KCNMA1: variants seen among roughly 807,000 people sequenced by gnomAD.
The protein encoded by KCNMA1 is potassium calcium-activated channel subfamily M alpha 1, also known as Calcium-activated potassium channel subunit alpha-1.
In KCNMA1, 29 loss-of-function variants were observed where a neutral mutation model predicts 140.0. The observed-to-expected ratio is 0.21, with a 90% confidence interval of 0.15 to 0.28. KCNMA1 has a LOEUF of 0.28. Among genes scored for constraint, KCNMA1 ranks in the 10% least tolerant of loss-of-function variants. The probability of loss-of-function intolerance (pLI) is 1.00; values close to 1 mark genes in which losing one functional copy is unlikely to be tolerated. For synonymous variants in KCNMA1, 612 were observed against 611.9 expected, an observed-to-expected ratio of 1.00 and a Z score of 0.00; for missense variants, 880 against 1,602.2, an observed-to-expected ratio of 0.55 and a Z score of 7.70.
intron 1 of KCNMA1, among the ~76,000 whole-genome samples, chr10:77,569,671 C>T (rs1285619869): frequency 6.6e-6 from 1 of 152,166 alleles, no homozygotes; most frequent in Non-Finnish European, 1.5e-5. Context: ...AGGACATAGG[C>T]ATGGGCAAGG....
intron 1 of KCNMA1, among the ~76,000 whole-genome samples, chr10:77,628,893 AGAG>A: frequency 6.6e-6 from 1 of 152,282 alleles, no homozygotes; most frequent in South Asian, 2.1e-4. Flanking sequence ...GGATGGAGCA[AGAG>A]GAGGAGGGGG....
intron 2 of KCNMA1, among the ~76,000 whole-genome samples, chr10:77,346,066 G>C (rs563789130): frequency 1.4e-4 from 22 of 152,238 alleles, no homozygotes; most frequent in Middle Eastern, 3.4e-3. Flanking sequence ...GGAATATCAT[G>C]GTAAACGTTG....
intron 2 of KCNMA1, among the ~76,000 whole-genome samples, chr10:77,332,285 G>C (rs994287094): frequency 6.6e-5 from 10 of 152,130 alleles, no homozygotes; most frequent in African/African-American, 2.4e-4. Flanking sequence ...GGAAACATTT[G>C]AGCAAAAAAT....
intron 5 of KCNMA1, among the ~76,000 whole-genome samples, chr10:77,138,278 T>C (rs2154013936): frequency 6.6e-6 from 1 of 152,276 alleles, no homozygotes; most frequent in African/African-American, 2.4e-5. Flanking sequence ...ATTATTGAAT[T>C]TTTTAAGAGA....
chr10:76,984,436 C>T (rs539400350), intron 19 of KCNMA1, among the ~76,000 whole-genome samples: 2 of 152,188 alleles, frequency 1.3e-5, no homozygotes, highest in East Asian at 1.9e-4. Flanking sequence ...GTGATCTGCC[C>T]GCCTCAGCCT....
chr10:76,891,488 A>G (rs2040056796), intron 26 of KCNMA1, 37 bp downstream of exon 26: 8 of 1,569,820 alleles, frequency 5.1e-6, no homozygotes, highest in Non-Finnish European at 6.1e-6. Context: ...CTTTTCCCAA[A>G]CAGCAAGCTC....
intron 14 of KCNMA1, among the ~76,000 whole-genome samples, chr10:77,042,043 T>G (rs1432028429): frequency 6.6e-6 from 1 of 152,150 alleles, no homozygotes; most frequent in Admixed American, 6.5e-5. Flanking sequence ...GTCTGGGCAA[T>G]TAGATTATGT....
At chr10:76,869,871 T>C (rs978465281) in exon 28 of KCNMA1, 2 of 152,546 alleles carry the variant, frequency 1.3e-5, no homozygotes, top group African/African-American at 2.4e-5. Flanking sequence ...TCAATGAACA[T>C]GTAGGCTGAA....
intron 3 of KCNMA1, among the ~76,000 whole-genome samples, chr10:77,219,409 G>A (rs2048843399): frequency 6.6e-6 from 1 of 152,172 alleles, no homozygotes; most frequent in African/African-American, 2.4e-5. Context: ...TGGGGAAGAA[G>A]AGAGACGTGT....
intron 3 of KCNMA1, among the ~76,000 whole-genome samples, chr10:77,218,202 T>C (rs756405674): frequency 2.0e-4 from 31 of 151,978 alleles, no homozygotes; most frequent in Non-Finnish European, 4.0e-4. Context: ...TCCAAATGAC[T>C]CCCATGGCCT....
intron 1 of KCNMA1, among the ~76,000 whole-genome samples, chr10:77,583,052 G>GAAA (rs2076307959): frequency 6.6e-6 from 1 of 152,200 alleles, no homozygotes; most frequent in African/African-American, 2.4e-5. Context: ...CCTTCTTTGT[G>GAAA]CTACAAAGAT....
intron 3 of KCNMA1, among the ~76,000 whole-genome samples, chr10:77,230,008 T>C (rs2053040147): frequency 6.6e-6 from 1 of 152,196 alleles, no homozygotes; most frequent in African/African-American, 2.4e-5. Context: ...ATTGGAGCAT[T>C]ATTCACAATA....
At chr10:77,201,502 T>C (rs779946876) in intron 3 of KCNMA1, among the ~76,000 whole-genome samples, 5 of 152,064 alleles carry the variant, frequency 3.3e-5, no homozygotes, top group Non-Finnish European at 5.9e-5. Flanking sequence ...CAGCAGACAC[T>C]CAGGGAGATG....
At chr10:77,071,349 A>G (rs911212874) in intron 14 of KCNMA1, 1 of 152,264 alleles carries the variant, frequency 6.6e-6, no homozygotes, top group Non-Finnish European at 1.5e-5. Flanking sequence ...GCCAAAGCCC[A>G]TGTTACATCA....
At chr10:76,925,224 C>A (rs1477846006) in intron 23 of KCNMA1, among the ~76,000 whole-genome samples, 2 of 152,094 alleles carry the variant, frequency 1.3e-5, no homozygotes, top group Non-Finnish European at 2.9e-5. Flanking sequence ...TCTTCATATA[C>A]CCACTGGACT....
At chr10:77,100,782 G>C (rs1264468058) in intron 9 of KCNMA1, among the ~76,000 whole-genome samples, 2 of 152,110 alleles carry the variant, frequency 1.3e-5, no homozygotes, top group East Asian at 3.9e-4. Context: ...TACCCGGCAA[G>C]GATTCACCCA....
At chr10:76,995,856 A>G (rs373608403) in intron 19 of KCNMA1, 7 of 366,336 alleles carry the variant, frequency 1.9e-5, no homozygotes, top group African/African-American at 1.1e-4. Flanking sequence ...CTGGGAAGAA[A>G]GGTGTCCCAT....
chr10:77,108,615 A>G lies in KCNMA1; in HGVS notation c.1132-43T>C. The stretch of plus-strand genomic sequence containing the variant: ...AGAAGAGAGACTAAAAAGACAGGCC[A>G]AAGAAAAGGGGGGACCTGTTCAGAG... On this transcript the variant is annotated intron_variant, in intron 8 of 27. Transcript: ENST00000286628. This position sits in a 1 kb window ranked among gnomAD's most constrained non-coding sequence, Gnocchi z 4.6. 2 of 1,472,594 alleles carry G rather than the reference A, an allele frequency of 1.4e-6. No homozygotes were observed. The highest frequency in any genetic ancestry group is 1.9e-6 in the Non-Finnish European group (2 of 1,054,126). The allele number at this position is 1,472,594 out of a possible 1,614,324, so 91.2% of individuals were successfully genotyped here.
chr10:77,506,870 TGTTA>T (rs1384334694), intron 1 of KCNMA1, among the ~76,000 whole-genome samples: 1 of 116,936 alleles, frequency 8.6e-6, no homozygotes, highest in Non-Finnish European at 1.7e-5. Context: ...TGTGTGTGTG[TGTTA>T]GAGAGGGAGA....
Sources: allele counts gnomAD v4.1 joint callset (sites outside exome capture counted in the v4.1 genomes callset), GRCh38; gene constraint gnomAD v4.1.1; non-coding constraint Gnocchi (gnomAD v3.1); transcripts MANE v1.5; gene names NCBI Gene and HGNC (gene_info 2026-07-23, HGNC 2026-07-21).